The following MRPL48 variants were observed in gnomAD, a reference collection of about 807,000 sequenced individuals.
MRPL48 encodes the protein mitochondrial ribosomal protein L48.
In MRPL48, 16 loss-of-function variants were observed where a neutral mutation model predicts 32.9. That is an observed-to-expected ratio of 0.49 (90% CI 0.33 to 0.74). The LOEUF is 0.74. Ranked by LOEUF, MRPL48 falls within the 30% of genes least tolerant of loss-of-function variation. The pLI is 0.02. For missense variants in MRPL48, 206 were observed against 245.3 expected, an observed-to-expected ratio of 0.84 and a Z score of 1.07; for synonymous variants, 94 against 89.2, an observed-to-expected ratio of 1.05 and a Z score of -0.31.
intron 3 of MRPL48, among the ~76,000 whole-genome samples, chr11:73,811,089 T>C (rs147678701): frequency 6.6e-6 from 1 of 152,118 alleles, no homozygotes; most frequent in African/African-American, 2.4e-5. Context: ...AGAGAGACCA[T>C]AGTGGAGAAA....
Position 73,863,248 on chromosome 11 carries a change from T to C in MRPL48, c.551T>C (p.Leu184Pro). The change falls in exon 7 of 8, where the codon CTG (leucine) becomes CCG (proline). Residue 184 changes from leucine (L) to proline (P), a missense_variant. Coordinates refer to ENST00000310614, the MANE Select transcript of MRPL48 (RefSeq NM_016055.6). ...AGCAGTCTTCCTGAAGGAGTCAGAC[T>C]GTCAGTGAAGGAGGTAGGTGCTGGT... is the stretch of plus-strand genomic sequence containing the variant. ...IQSSLPEGVR[L>P]SVKEHTEEDF... 7 of 1,565,666 alleles carry C rather than the reference T, an allele frequency of 4.5e-6. No homozygotes were observed. The highest frequency in any genetic ancestry group is 6.1e-6 in the Non-Finnish European group (7 of 1,154,582).
intron 2 of MRPL48, 87 bp downstream of exon 2, chr11:73,805,166 T>C: frequency 1.7e-6 from 2 of 1,156,668 alleles, no homozygotes; most frequent in Non-Finnish European, 2.5e-6. Context: ...TCATATTTAC[T>C]TGCATGTCTA....
intron 5 of MRPL48, 90 bp from the exon 6 acceptor site, chr11:73,859,817 G>T: frequency 9.6e-7 from 1 of 1,042,182 alleles, no homozygotes; most frequent in Non-Finnish European, 1.4e-6. Context: ...ACTATTGCAT[G>T]CCATAGTGGC....
At chr11:73,797,125 T>C (rs1022269891) in intron 1 of MRPL48, among the ~76,000 whole-genome samples, 1 of 152,134 alleles carries the variant, frequency 6.6e-6, no homozygotes, top group Admixed American at 6.6e-5. Context: ...GACAACCGGC[T>C]GCAGAGAGGA....
intron 5 of MRPL48, among the ~76,000 whole-genome samples, chr11:73,857,509 G>T (rs145077837): frequency 4.8e-4 from 73 of 151,212 alleles, no homozygotes; most frequent in African/African-American, 1.8e-3. Context: ...TGAACTCCTG[G>T]GCTTAAGCAA....
Position 73,855,644 on chromosome 11 carries a change from C to T in MRPL48, c.372-4263C>T, listed in dbSNP as rs370394355. Among the ~76,000 whole-genome samples the T allele has an allele frequency of 5.7e-4, 87 of 152,164 alleles. No individual in the cohort carries two copies. In the South Asian group the frequency reaches 0.014, roughly 24 times the overall value. ...CTGGGATTACAGGTGCCTGCCACCA[C>T]GCCCAGCTAATTTTTGTATTTTTAG... On this transcript the variant is annotated intron_variant, in intron 5 of 7. Transcript: ENST00000310614.
chr11:73,836,078 T>A (rs1270316244), intron 4 of MRPL48, among the ~76,000 whole-genome samples: 1 of 149,890 alleles, frequency 6.7e-6, no homozygotes. Context: ...GGATTACAGG[T>A]GTGCACCTCC....
At chr11:73,858,236 G>A (rs891553479) in intron 5 of MRPL48, among the ~76,000 whole-genome samples, 1 of 152,200 alleles carries the variant, frequency 6.6e-6, no homozygotes, top group Admixed American at 6.5e-5. Flanking sequence ...TGAAAAGCAG[G>A]AGGGATGTTA....
chr11:73,835,288 C>A (rs570126720), intron 4 of MRPL48, among the ~76,000 whole-genome samples: 1 of 151,814 alleles, frequency 6.6e-6, no homozygotes, highest in East Asian at 1.9e-4. Context: ...ATTACAGGCA[C>A]GTGCCACCAT....
intron 1 of MRPL48, among the ~76,000 whole-genome samples, chr11:73,804,095 T>C (rs569146840): frequency 6.6e-6 from 1 of 151,352 alleles, no homozygotes; most frequent in African/African-American, 2.4e-5. Flanking sequence ...AATTTTTGTA[T>C]TTTTAGTAGA....
intron 5 of MRPL48, 104 bp from the exon 6 acceptor site, chr11:73,859,803 G>T (rs117270534): frequency 0.012 from 10,402 of 883,806 alleles, 139 homozygotes; most frequent in Middle Eastern, 0.041. Context: ...CCTACATTCC[G>T]GGAACTATTG....
intron 4 of MRPL48, among the ~76,000 whole-genome samples, chr11:73,829,776 T>G (rs1175297299): frequency 6.6e-6 from 1 of 152,186 alleles, no homozygotes; most frequent in South Asian, 2.1e-4. Flanking sequence ...TTTTTGTTTT[T>G]GTTTTTGAGA....
intron 7 of MRPL48, 148 bp downstream of exon 7, chr11:73,863,409 G>A (rs1948618061): frequency 1.4e-6 from 1 of 714,234 alleles, no homozygotes; most frequent in Non-Finnish European, 2.3e-6. Context: ...ACACTCTGAT[G>A]ACACTGTGAT....
chr11:73,812,687 C>G (rs995235665), intron 3 of MRPL48, among the ~76,000 whole-genome samples: 17 of 148,330 alleles, frequency 1.1e-4, no homozygotes, highest in African/African-American at 4.0e-4. Context: ...CATACTCTAG[C>G]CTGGGCGACA....
intron 5 of MRPL48, among the ~76,000 whole-genome samples, chr11:73,851,723 C>T (rs1948393537): frequency 6.6e-6 from 1 of 152,076 alleles, no homozygotes; most frequent in Admixed American, 6.6e-5. Flanking sequence ...GACATTCAGT[C>T]ATGATTGAAA....
At chr11:73,797,238 C>T (rs933949035) in intron 1 of MRPL48, among the ~76,000 whole-genome samples, 11 of 152,202 alleles carry the variant, frequency 7.2e-5, no homozygotes, top group African/African-American at 2.7e-4. Context: ...CTGAGCTATT[C>T]TGCCACTCAA....
At chr11:73,862,409 C>T (rs186517475) in intron 6 of MRPL48, among the ~76,000 whole-genome samples, 23 of 150,758 alleles carry the variant, frequency 1.5e-4, no homozygotes, top group Admixed American at 4.0e-4. Context: ...GCAACAAGAG[C>T]GAAACTCCAT....
At chr11:73,800,280 A>G (rs1947335312) in intron 1 of MRPL48, among the ~76,000 whole-genome samples, 1 of 152,182 alleles carries the variant, frequency 6.6e-6, no homozygotes, top group Non-Finnish European at 1.5e-5. Context: ...AGTATGCGTA[A>G]AGTGCCTAGT....
At chr11:73,863,573 T>C (rs1015921961) in intron 7 of MRPL48, among the ~76,000 whole-genome samples, 11 of 152,290 alleles carry the variant, frequency 7.2e-5, no homozygotes, top group African/African-American at 2.6e-4. Context: ...TGGGTTAAGA[T>C]AGTATATGGT....
Sources: allele counts gnomAD v4.1 joint callset (sites outside exome capture counted in the v4.1 genomes callset), GRCh38; gene constraint gnomAD v4.1.1; transcripts MANE v1.5; gene names NCBI Gene and HGNC (gene_info 2026-07-23, HGNC 2026-07-21).